The following RBFOX3 variants were observed in gnomAD, a reference collection of about 807,000 sequenced individuals.
RBFOX3 encodes the protein RNA binding protein fox-1 homolog 3.
A neutral mutation model predicts 48.7 loss-of-function variants in RBFOX3; 17 were observed. That is an observed-to-expected ratio of 0.35 (90% CI 0.24 to 0.52). RBFOX3 has a LOEUF of 0.52. Among genes scored for constraint, RBFOX3 ranks in the 20% least tolerant of loss-of-function variants. The pLI is 0.94. For synonymous variants in RBFOX3, 212 were observed against 209.5 expected, an observed-to-expected ratio of 1.01 and a Z score of -0.10; for missense variants, 382 against 497.5, an observed-to-expected ratio of 0.77 and a Z score of 2.21.
chr17:79,463,123 CGCCACCGCCACT>C (rs1443353333), intron 2 of RBFOX3, among the ~76,000 whole-genome samples: 2 of 149,054 alleles, frequency 1.3e-5, no homozygotes, highest in African/African-American at 2.5e-5. Context: ...CCACTGCCAT[CGCCACCGCCACT>C]GCCACCGCCA....
At chr17:79,251,264 G>T (rs2063912211) in intron 3 of RBFOX3, among the ~76,000 whole-genome samples, 1 of 152,028 alleles carries the variant, frequency 6.6e-6, no homozygotes, top group African/African-American at 2.4e-5. Flanking sequence ...CAGATCTCTG[G>T]CACCTCCTAG....
At position 79,319,890 on chromosome 17, in the gene RBFOX3, TTCTGGGCTGCTGGTCTATG is replaced by T. The variant is rs1161617216; in HGVS notation, c.-174-12085_-174-12067del. Among the ~76,000 whole-genome samples, 155 of 21,568 alleles carry T rather than the reference TTCTGGGCTGCTGGTCTATG, an allele frequency of 7.2e-3. 10 individuals are homozygous for T. The highest frequency in any genetic ancestry group is 0.036 in the African/African-American group (148 of 4,110). 14.1% of individuals were successfully genotyped at this position (21,568 alleles called of 152,430 possible). A position where few individuals can be genotyped will look rare whatever the true frequency, so the allele number is the denominator to read the frequency against. On this transcript the variant is annotated intron_variant, in intron 2 of 14. Coordinates refer to ENST00000693108, the MANE Select transcript of RBFOX3 (RefSeq NM_001350451.2). ...TGGTCCTGTCTGGGCTGCTGGTCCT[TTCTGGGCTGCTGGTCTATG>T]TCTGGGCTGCTGGTCTATGTCTGGG...
intron 1 of RBFOX3, among the ~76,000 whole-genome samples, chr17:79,609,480 C>G (rs1226091783): frequency 3.3e-5 from 5 of 152,230 alleles, no homozygotes; most frequent in African/African-American, 1.2e-4. Context: ...CGTGGGGTGT[C>G]TCGCGCGTCG....
At chr17:79,356,694 T>A (rs987869624) in intron 2 of RBFOX3, among the ~76,000 whole-genome samples, 1 of 151,892 alleles carries the variant, frequency 6.6e-6, no homozygotes, top group African/African-American at 2.4e-5. Context: ...TTTTATGCCA[T>A]CAGAGAAGGA....
rs2057272520 is a variant in RBFOX3 at position 79,204,654 on chromosome 17, C to G, written c.-34+31112G>C. On this transcript the variant is annotated intron_variant, in intron 4 of 14. Transcript: ENST00000693108. This position sits in a 1 kb window ranked among gnomAD's most constrained non-coding sequence, Gnocchi z 4.5. ...CCCTCCACTAAGGCAATAAAAAATGCAATTCTGGGGTGGGGGACCGCTGAG... is the reference window on the plus strand; with the variant it reads ...CCCTCCACTAAGGCAATAAAAAATGGAATTCTGGGGTGGGGGACCGCTGAG... 6.6e-6 allele frequency among the ~76,000 whole-genome samples: 1 copy of G among 152,086 alleles called. No homozygotes were observed.
intron 2 of RBFOX3, among the ~76,000 whole-genome samples, chr17:79,312,759 T>A (rs146785627): frequency 8.6e-4 from 131 of 152,318 alleles, no homozygotes; most frequent in African/African-American, 3.0e-3. Context: ...ATTGGCTTAA[T>A]AAACTGTGCT....
intron 1 of RBFOX3, among the ~76,000 whole-genome samples, chr17:79,579,125 A>C (rs1162634008): frequency 1.3e-5 from 2 of 151,272 alleles, no homozygotes; most frequent in Non-Finnish European, 2.9e-5. Context: ...TCTGCTTCCC[A>C]CTCCTGCCCT....
chr17:79,394,281 G>T (rs1218528832), intron 2 of RBFOX3, among the ~76,000 whole-genome samples: 1 of 152,218 alleles, frequency 6.6e-6, no homozygotes, highest in Non-Finnish European at 1.5e-5. Flanking sequence ...TCCAGGTCCA[G>T]GGAGGAGCTC....
At chr17:79,529,574 T>G (rs1329669197) in intron 1 of RBFOX3, among the ~76,000 whole-genome samples, 7 of 152,102 alleles carry the variant, frequency 4.6e-5, no homozygotes, top group Admixed American at 3.3e-4. Context: ...TGAGGAGGCA[T>G]GAGGGGCCCT....
At chr17:79,131,032 C>T (rs915388982) in intron 4 of RBFOX3, among the ~76,000 whole-genome samples, 3 of 151,924 alleles carry the variant, frequency 2.0e-5, no homozygotes, top group African/African-American at 7.3e-5. Context: ...CCCATGTGTG[C>T]TGTGCCCCCA....
In RBFOX3 at chr17:79,247,310, A is replaced by AT. The variant is rs57539628; in HGVS notation, c.-73-11506dup. Among the ~76,000 whole-genome samples, 1,064 of 116,518 alleles carry AT rather than the reference A, an allele frequency of 9.1e-3. 24 individuals are homozygous for AT. Among genetic ancestry groups the AT allele is most frequent in the African/African-American group, 0.014 (433 of 30,412 alleles). The allele number at this position is 116,518 out of a possible 152,430, so 76.4% of individuals were successfully genotyped here. On this transcript the variant is annotated intron_variant, in intron 3 of 14. Transcript: ENST00000693108. ...AGACACACACAGAGAACATAATCGT[A>AT]TTTTTTTTTTTTTTTTTTTTGAGAC... is the stretch of plus-strand genomic sequence containing the variant.
chr17:79,453,012 C>T (rs368902126), intron 2 of RBFOX3, among the ~76,000 whole-genome samples: 2 of 152,176 alleles, frequency 1.3e-5, no homozygotes, highest in African/African-American at 4.8e-5. Flanking sequence ...CTCCAGGTCT[C>T]GGTTTACCCA....
intron 2 of RBFOX3, among the ~76,000 whole-genome samples, chr17:79,367,964 C>T (rs2058023478): frequency 6.6e-6 from 1 of 152,200 alleles, no homozygotes; most frequent in Non-Finnish European, 1.5e-5. Flanking sequence ...GAATTAACTT[C>T]AGCCAAAGAC....
At chr17:79,624,095 C>T in the RBFOX3 span, among the ~76,000 whole-genome samples, 1 of 152,194 alleles carries the variant, frequency 6.6e-6, no homozygotes, top group African/African-American at 2.4e-5. Flanking sequence ...CTTCTGACCT[C>T]CAGAACGGCA....
At chr17:79,503,990 G>T (rs2082718786) in intron 1 of RBFOX3, among the ~76,000 whole-genome samples, 1 of 151,782 alleles carries the variant, frequency 6.6e-6, no homozygotes, top group Non-Finnish European at 1.5e-5. Context: ...AAGGTGGGTG[G>T]GCGGGGTGGC....
At chr17:79,381,508 C>T (rs575828371) in intron 2 of RBFOX3, among the ~76,000 whole-genome samples, 1 of 152,318 alleles carries the variant, frequency 6.6e-6, no homozygotes, top group Non-Finnish European at 1.5e-5. Context: ...TGTCAGACAG[C>T]GCATCCTGGG....
At chr17:79,354,659 T>A (rs1227770842) in intron 2 of RBFOX3, among the ~76,000 whole-genome samples, 8 of 152,254 alleles carry the variant, frequency 5.3e-5, no homozygotes, top group Non-Finnish European at 1.2e-4. Context: ...GCAAGCCAGG[T>A]TCCTGCTGCC....
intron 6 of RBFOX3, among the ~76,000 whole-genome samples, chr17:79,106,261 G>A (rs1417757385): frequency 6.6e-6 from 1 of 152,162 alleles, no homozygotes; most frequent in Non-Finnish European, 1.5e-5. Context: ...GAGGAGACAG[G>A]AGCCAGAATG....
At chr17:79,265,083 G>C (rs952172929) in intron 3 of RBFOX3, among the ~76,000 whole-genome samples, 6 of 152,096 alleles carry the variant, frequency 3.9e-5, no homozygotes, top group African/African-American at 1.4e-4. Flanking sequence ...CAGATGCCAC[G>C]CTCGGCAGTG....
Sources: gnomAD v4.1 joint callset for allele counts (sites outside exome capture counted in the v4.1 genomes callset) on GRCh38, gnomAD v4.1.1 for gene constraint, Gnocchi (gnomAD v3.1) non-coding constraint, MANE v1.5 for transcripts, NCBI Gene and HGNC (gene_info 2026-07-23, HGNC 2026-07-21) for gene names.